Variants in MYO15A observed in about 807,000 individuals in gnomAD.
The protein encoded by MYO15A is myosin XVA.
Under a neutral mutation model 394.6 loss-of-function variants are expected in MYO15A, and 308 were observed. The ratio of observed to expected loss-of-function variants is 0.78; its 90% CI spans 0.71 to 0.86. MYO15A has a LOEUF of 0.86. Among genes scored for constraint, MYO15A ranks in the 40% least tolerant of loss-of-function variants. The pLI is 0.00. For synonymous variants in MYO15A, 1,957 were observed against 2,003.8 expected (o/e 0.98, Z 0.62); for missense variants, 4,606 against 4,799.1 (o/e 0.96, Z 1.19).
chr17:18,116,459 T>C (rs573297846), intron 1 of MYO15A, among the ~76,000 whole-genome samples: 1 of 152,390 alleles, frequency 6.6e-6, no homozygotes, highest in South Asian at 2.1e-4. Flanking sequence ...CCTTCATCTT[T>C]TGAGTCTGAG....
chr17:18,146,190 C>T, intron 30 of MYO15A, 83 bp downstream of exon 30: 1 of 1,395,648 alleles, frequency 7.2e-7, no homozygotes, highest in Non-Finnish European at 9.9e-7. Flanking sequence ...AAAGGTCAGG[C>T]CAGGAGTCAG....
chr17:18,165,147 A>G (rs984992347), intron 60 of MYO15A: 1 of 152,010 alleles, frequency 6.6e-6, no homozygotes, highest in East Asian at 1.9e-4. Flanking sequence ...TCCCCACGAC[A>G]ACCTTATGAA....
At chr17:18,156,360 C>A (rs1172510709) in intron 48 of MYO15A, 24 bp downstream of exon 48, 1 of 1,612,988 alleles carries the variant, frequency 6.2e-7, no homozygotes, top group African/African-American at 1.3e-5. Flanking sequence ...CACAGATCTT[C>A]CCTCCACCCA....
At position 18,125,011 on chromosome 17, in the gene MYO15A, G is replaced by A. The variant is rs2046007081; in HGVS notation, c.3693-157G>A. ...CAAATGAAGAAAAAGGCACAGAATAGGGAAGTAATTTGTCCAAGGTCTCCT... is the reference window on the plus strand; with the variant it reads ...CAAATGAAGAAAAAGGCACAGAATAAGGAAGTAATTTGTCCAAGGTCTCCT... On this transcript the variant is annotated intron_variant, in intron 3 of 65. Transcript: ENST00000647165. 5.4e-6 allele frequency: 4 copies of A among 737,786 alleles called. No homozygotes were observed. In the South Asian group the frequency reaches 5.9e-5, roughly 11 times the overall value. 45.7% of individuals were successfully genotyped at this position (737,786 alleles called of 1,614,324 possible).
At chr17:18,168,692 C>T (rs2046891662) in intron 62 of MYO15A, among the ~76,000 whole-genome samples, 1 of 152,154 alleles carries the variant, frequency 6.6e-6, no homozygotes, top group African/African-American at 2.4e-5. Flanking sequence ...AGGCATGAGC[C>T]ACCCTGGCTG....
intron 49 of MYO15A, 37 bp downstream of exon 49, chr17:18,157,102 G>T: frequency 6.2e-7 from 1 of 1,612,600 alleles, no homozygotes; most frequent in South Asian, 1.1e-5. Context: ...GCAGGAGGGG[G>T]AGGCTGGCCA....
In MYO15A at chr17:18,135,029, G is replaced by T. The variant is rs79676058; in HGVS notation, c.4483-682G>T. On this transcript the variant is annotated intron_variant, in intron 12 of 65. Transcript: ENST00000647165. ...TGAGTAGCTGGGACTACAGGTCTAG[G>T]TCCCATGCCCAGCACATTTTTTAGA... 0.023 allele frequency among the ~76,000 whole-genome samples: 3,535 copies of T among 151,916 alleles called. 357 individuals are homozygous for T. The East Asian group carries it at 0.33, about 14-fold the overall frequency.
rs762777906 is a variant in MYO15A, at chr17:18,119,666, A to G, written c.866A>G (p.Tyr289Cys). The change falls in exon 2 of 66, where the codon TAC becomes TGC. Residue 289 changes from tyrosine to cysteine, a missense_variant. By Grantham distance (194) the Tyr-to-Cys change is radical. Around this residue, in one of 2 missense-constraint regions of MYO15A, gnomAD observed 1,830 missense variants for 1,689.7 expected, o/e 1.08. Transcript: ENST00000647165. ...YGYPPEDPYD[Y>C]YHPDYYGGPF... ...TACCCGCCCGAGGATCCCTACGACTACTACCACCCCGACTATTACGGTGGC... is the reference window on the plus strand; with the variant it reads ...TACCCGCCCGAGGATCCCTACGACTGCTACCACCCCGACTATTACGGTGGC... The G allele has an allele frequency of 1.9e-5, 30 of 1,605,782 alleles. No individual in the cohort carries two copies. The highest frequency in any genetic ancestry group is 2.5e-5 in the Non-Finnish European group (30 of 1,179,884).
intron 43 of MYO15A, 90 bp from the exon 44 acceptor site, chr17:18,154,041 G>T (rs2046632037): frequency 6.2e-7 from 1 of 1,603,386 alleles, no homozygotes; most frequent in Middle Eastern, 1.8e-4. Flanking sequence ...GGTTACAGCC[G>T]GGGCGGAACT....
intron 29 of MYO15A, 145 bp downstream of exon 29, chr17:18,144,737 A>G: frequency 1.5e-6 from 1 of 675,970 alleles, no homozygotes; most frequent in Non-Finnish European, 2.5e-6. Flanking sequence ...TTTATGTCAG[A>G]GGGGGAAATC....
rs1307909752 is a variant in MYO15A, at chr17:18,132,602, T to C, written c.4320+36T>C. On this transcript the variant is annotated intron_variant, in intron 11 of 65. Transcript: ENST00000647165. The surrounding 1 kb of genome is among the most constrained non-coding windows in gnomAD (Gnocchi z 4.6). Reference sequence around the variant, plus strand: ...GCAGGCATCTGAAGGCCCCTGGCCCTGGTCCTCCCACCCCGACGCCCCTGG... The same window carrying C: ...GCAGGCATCTGAAGGCCCCTGGCCCCGGTCCTCCCACCCCGACGCCCCTGG... 4 of 1,567,602 alleles carry C rather than the reference T, an allele frequency of 2.6e-6. No individual in the cohort carries two copies. Among genetic ancestry groups the C allele is most frequent in the East Asian group, 4.5e-5 (2 of 44,704 alleles).
chr17:18,120,934 C>G lies in MYO15A; in HGVS notation c.2134C>G (p.Pro712Ala). 3 of 1,470,382 alleles carry G rather than the reference C, an allele frequency of 2.0e-6. No homozygotes were observed. The highest frequency in any genetic ancestry group is 1.3e-5 in the South Asian group (1 of 78,218). The allele number at this position is 1,470,382 out of a possible 1,614,324, so 91.1% of individuals were successfully genotyped here. The change falls in exon 2 of 66, where the codon CCG (proline) becomes GCG (alanine). Residue 712 changes from proline to alanine, a missense_variant. Pro to Ala is a conservative substitution (Grantham distance 27). Transcript: ENST00000647165. Reference sequence around the variant, plus strand: ...CTGGGCCGCCCCAGCGCACGTGCCACCGGCGCCGCAGGCCAGCTGGTGGGC... The same window carrying G: ...CTGGGCCGCCCCAGCGCACGTGCCAGCGGCGCCGCAGGCCAGCTGGTGGGC... Reference protein sequence around the residue: ...PPWAAPAHVPPAPQASWWAFV... With the variant: ...PPWAAPAHVPAAPQASWWAFV...
rs1170444111 is a variant in MYO15A, at chr17:18,142,709, G to A, written c.5826-47G>A. On this transcript the variant is annotated intron_variant, in intron 24 of 65. Transcript: ENST00000647165. ...GGCCTCTCTACCTTTTGGTCACCCT[G>A]TCACCCTGTGGCCCCAATCCCTGAC... 9.6e-6 allele frequency: 15 copies of A among 1,555,742 alleles called. No homozygotes were observed. The South Asian group carries it at 1.7e-4, about 17-fold the overall frequency.
At chr17:18,165,472 T>G (rs2046840253) in intron 60 of MYO15A, among the ~76,000 whole-genome samples, 2 of 152,222 alleles carry the variant, frequency 1.3e-5, no homozygotes, top group South Asian at 4.1e-4. Flanking sequence ...CTCATATCTC[T>G]CTCCCTGCCA....
rs912600568 is a variant in MYO15A at position 18,151,672 on chromosome 17, C to T, written c.7787+145C>T. 4.1e-6 allele frequency: 5 copies of T among 1,220,524 alleles called. No individual in the cohort carries two copies. In the African/African-American group the frequency reaches 6.0e-5, roughly 15 times the overall value. The allele number at this position is 1,220,524 out of a possible 1,614,324, so 75.6% of individuals were successfully genotyped here. A position where few individuals can be genotyped will look rare whatever the true frequency, so the allele number is the denominator to read the frequency against. ...TTTATACTGATGAGTCCAGATGAGG[C>T]CCTGCTGTTGTCTAGGTTGTGCTGT... On this transcript the variant is annotated intron_variant, in intron 40 of 65. Coordinates refer to ENST00000647165, the MANE Select transcript of MYO15A (RefSeq NM_016239.4).
rs1287111613 is a variant in MYO15A at position 18,148,757 on chromosome 17, C to T, written c.6765-4C>T. ...ATTTCCATTCCTGTGCATGCCATCA[C>T]CAGGGGGCTGGCAGATGGCTGGCGC... On this transcript the variant is annotated splice_polypyrimidine_tract_variant and splice_region_variant and intron_variant, in intron 32 of 65. Transcript: ENST00000647165. This position sits in a 1 kb window ranked among gnomAD's most constrained non-coding sequence, Gnocchi z 4.8. 1.0e-5 allele frequency: 16 copies of T among 1,594,174 alleles called. No individual in the cohort carries two copies. Among genetic ancestry groups the T allele is most frequent in the Non-Finnish European group, 1.1e-5 (13 of 1,169,494 alleles).
At position 18,156,073 on chromosome 17, in the gene MYO15A, G is replaced by T. The variant is rs933397391; in HGVS notation, c.8460-122G>T. 4.7e-6 allele frequency: 7 copies of T among 1,489,084 alleles called. No individual in the cohort carries two copies. The African/African-American group carries it at 9.7e-5, about 21-fold the overall frequency. 92.2% of individuals were successfully genotyped at this position (1,489,084 alleles called of 1,614,324 possible). On this transcript the variant is annotated intron_variant, in intron 47 of 65. Transcript: ENST00000647165. ...GAAGCTTAGGGTTCTGTGGGAGCTG[G>T]CACAATGGGGCCAAGGTGGGGCTGG...
rs758029934 is a variant in MYO15A, at chr17:18,148,604, T to G, written c.6764+36T>G. The G allele has an allele frequency of 6.4e-7, 1 of 1,550,396 alleles. No individual in the cohort carries two copies. Among genetic ancestry groups the G allele is most frequent in the Non-Finnish European group, 8.7e-7 (1 of 1,146,280 alleles). ...AGGATGCCCTCCCAGCACACTCTTA[T>G]GTACCTGGAATGTTGTGGGGGGAGG... On this transcript the variant is annotated intron_variant, in intron 32 of 65. Transcript: ENST00000647165. This position sits in a 1 kb window ranked among gnomAD's most constrained non-coding sequence, Gnocchi z 4.8.
At chr17:18,125,427 G>GGCTCA (rs2046015982) in intron 4 of MYO15A, 196 bp downstream of exon 4, 1 of 610,440 alleles carries the variant, frequency 1.6e-6, no homozygotes, top group African/African-American at 1.9e-5. Context: ...CGGGCACAGT[G>GGCTCA]GCTCACCCTG....
Sources: allele counts gnomAD v4.1 joint callset (sites outside exome capture counted in the v4.1 genomes callset), GRCh38; gene constraint gnomAD v4.1.1; regional missense constraint gnomAD v4.1.1; non-coding constraint Gnocchi (gnomAD v3.1); transcripts MANE v1.5; gene names NCBI Gene and HGNC (gene_info 2026-07-23, HGNC 2026-07-21).